Variants in SLC2A9 observed in about 807,000 individuals in gnomAD.
The protein encoded by SLC2A9 is solute carrier family 2 member 9.
In SLC2A9, 39 loss-of-function variants were observed where a neutral mutation model predicts 50.6. The observed-to-expected ratio is 0.77, with a 90% confidence interval of 0.60 to 1.01. SLC2A9 has a LOEUF of 1.01. Among genes scored for constraint, SLC2A9 ranks in the 50% least tolerant of loss-of-function variants. The probability of loss-of-function intolerance (pLI) is 0.00; values close to 1 mark genes in which losing one functional copy is unlikely to be tolerated. For missense variants in SLC2A9, 686 were observed against 677.6 expected, an observed-to-expected ratio of 1.01 and a Z score of -0.14; for synonymous variants, 324 against 276.9, an observed-to-expected ratio of 1.17 and a Z score of -1.69.
intron 5 of SLC2A9, among the ~76,000 whole-genome samples, chr4:9,973,721 G>A (rs1754295021): frequency 9.9e-6 from 1 of 100,604 alleles, no homozygotes. Flanking sequence ...TGGGGTGGGG[G>A]GAGGGGGGAG....
At chr4:9,931,952 CTCTCTCTCTCTATATATATATATA>C (rs1746107168) in intron 6 of SLC2A9, among the ~76,000 whole-genome samples, 2 of 57,236 alleles carry the variant, frequency 3.5e-5, no homozygotes, top group East Asian at 7.2e-4. Context: ...CTCTCTCTCT[CTCTCTCTCTCTATATATATATATA>C]TATATATATA....
intron 5 of SLC2A9, among the ~76,000 whole-genome samples, chr4:9,958,607 T>G (rs559070367): frequency 6.6e-6 from 1 of 152,304 alleles, no homozygotes; most frequent in South Asian, 2.1e-4. Context: ...AACCTGCATG[T>G]TCTGCACATG....
intron 10 of SLC2A9, among the ~76,000 whole-genome samples, chr4:9,838,445 A>C (rs992897542): frequency 2.6e-5 from 4 of 152,226 alleles, no homozygotes; most frequent in Admixed American, 6.5e-5. Flanking sequence ...CAATTTATGA[A>C]TTCAATGTTA....
intron 8 of SLC2A9, among the ~76,000 whole-genome samples, chr4:9,899,049 A>T (rs920804714): frequency 1.3e-5 from 2 of 151,864 alleles, no homozygotes; most frequent in Non-Finnish European, 2.9e-5. Flanking sequence ...AAGCAACTCT[A>T]TGAGGTTTCC....
intron 3 of SLC2A9, among the ~76,000 whole-genome samples, chr4:9,995,147 C>T (rs1758418823): frequency 6.6e-6 from 1 of 152,132 alleles, no homozygotes; most frequent in Non-Finnish European, 1.5e-5. Context: ...TCTAACCTCC[C>T]ATTCCCCATC....
chr4:9,807,095 A>G (rs1334385903), intron 3 of SLC2A9, among the ~76,000 whole-genome samples: 5 of 152,138 alleles, frequency 3.3e-5, no homozygotes, highest in Middle Eastern at 3.2e-3. Flanking sequence ...TATAGTGGCC[A>G]TCCAGCTGGC....
At chr4:9,824,277 CCT>C (rs1724817048), downstream of SLC2A9, among the ~76,000 whole-genome samples, 1 of 151,372 alleles carries the variant, frequency 6.6e-6, no homozygotes, top group South Asian at 2.1e-4. Context: ...CAGATGTCCC[CCT>C]GACATTGAAC....
intron 6 of SLC2A9, among the ~76,000 whole-genome samples, chr4:9,927,474 G>A (rs1210098419): frequency 3.3e-5 from 5 of 152,252 alleles, no homozygotes; most frequent in Admixed American, 6.5e-5. Context: ...GACAGGCAAA[G>A]GGACTTCACG....
chr4:9,829,470 T>TTA (rs1491130913), intron 11 of SLC2A9, among the ~76,000 whole-genome samples: 1 of 21,588 alleles, frequency 4.6e-5, no homozygotes, highest in African/African-American at 1.9e-4. Context: ...GACAAAAATG[T>TTA]CAAAAAAAAA....
intron 7 of SLC2A9, among the ~76,000 whole-genome samples, chr4:9,917,467 G>A (rs953570501): frequency 6.6e-6 from 1 of 151,262 alleles, no homozygotes; most frequent in African/African-American, 2.4e-5. Flanking sequence ...AGAGTAGCTG[G>A]GACTACAGGT....
chr4:9,903,400 G>A (rs1476712095), intron 8 of SLC2A9, among the ~76,000 whole-genome samples: 2 of 151,982 alleles, frequency 1.3e-5, no homozygotes, highest in East Asian at 1.9e-4. Context: ...TCTCAAGAGT[G>A]AGCCCTCACC....
At chr4:9,887,802 T>C (rs1736569750) in intron 9 of SLC2A9, among the ~76,000 whole-genome samples, 160 bp from the exon 10 acceptor site, 1 of 152,160 alleles carries the variant, frequency 6.6e-6, no homozygotes, top group Admixed American at 6.5e-5. Flanking sequence ...GGAACAATGA[T>C]AACCCTTCGG....
intron 4 of SLC2A9, 93 bp downstream of exon 4, chr4:9,985,576 C>T: frequency 1.3e-6 from 2 of 1,542,774 alleles, no homozygotes; most frequent in Non-Finnish European, 1.8e-6. Flanking sequence ...AGCAGAGAGC[C>T]CCAGTCATGT....
intron 1 of SLC2A9, chr4:10,034,750 C>A (rs920038862): frequency 6.6e-6 from 1 of 152,234 alleles, no homozygotes; most frequent in African/African-American, 2.4e-5. Flanking sequence ...TAGAACAGCA[C>A]CTGGCACTAG....
chr4:10,035,770 TTTTG>T (rs1252872346), intron 1 of SLC2A9: 1 of 152,182 alleles, frequency 6.6e-6, no homozygotes, highest in East Asian at 1.9e-4. Flanking sequence ...AAGGCATTTC[TTTTG>T]TTTGTTTGTT....
chr4:9,806,925 T>C (rs1236963792), intron 3 of SLC2A9, among the ~76,000 whole-genome samples: 2 of 152,188 alleles, frequency 1.3e-5, no homozygotes, highest in African/African-American at 2.4e-5. Flanking sequence ...TTAAGACTCT[T>C]GAAGACTGAA....
intron 3 of SLC2A9, among the ~76,000 whole-genome samples, chr4:9,808,093 C>T (rs1264009512): frequency 6.6e-6 from 1 of 152,220 alleles, no homozygotes; most frequent in Non-Finnish European, 1.5e-5. Flanking sequence ...GGCTCCACAG[C>T]TCTATCCTTG....
chr4:9,905,716 A>T (rs1177552410), intron 8 of SLC2A9, among the ~76,000 whole-genome samples: 2 of 152,168 alleles, frequency 1.3e-5, no homozygotes, highest in Admixed American at 1.3e-4. Flanking sequence ...TTCTTGCACC[A>T]AGGGAAGAAG....
intron 3 of SLC2A9, among the ~76,000 whole-genome samples, chr4:9,819,116 CAAAAAAAAAA>C (rs60751108): frequency 1.7e-5 from 1 of 57,374 alleles, no homozygotes; most frequent in African/African-American, 5.4e-5. Flanking sequence ...GAGACTGTCT[CAAAAAAAAAA>C]AAAAAAAAAA....
Sources: allele counts gnomAD v4.1 joint callset (sites outside exome capture counted in the v4.1 genomes callset), GRCh38; gene constraint gnomAD v4.1.1; transcripts MANE v1.5; gene names NCBI Gene and HGNC (gene_info 2026-07-23, HGNC 2026-07-21).